CNOT4: variants seen among roughly 807,000 people sequenced by gnomAD.
The protein encoded by CNOT4 is CCR4-NOT transcription complex subunit 4.
CNOT4 carries 8 observed loss-of-function variants against 73.8 expected under a neutral mutation model. The ratio of observed to expected loss-of-function variants is 0.11; its 90% CI spans 0.06 to 0.20. The LOEUF (loss-of-function observed/expected upper bound fraction) is 0.20, where lower values mean the gene tolerates loss of function less well. Among genes scored for constraint, CNOT4 ranks in the 10% least tolerant of loss-of-function variants. The probability of loss-of-function intolerance (pLI) is 1.00; values close to 1 mark genes in which losing one functional copy is unlikely to be tolerated. For missense variants in CNOT4, 564 were observed against 883.4 expected (o/e 0.64, Z 4.58); for synonymous variants, 293 against 321.1 (o/e 0.91, Z 0.94).
intron 2 of CNOT4, among the ~76,000 whole-genome samples, chr7:135,430,598 T>C (rs974980689): frequency 6.6e-6 from 1 of 152,042 alleles, no homozygotes; most frequent in Admixed American, 6.6e-5. Flanking sequence ...TGAGCTACAA[T>C]GAGGCCACTG....
chr7:135,483,699 C>T (rs1204624205), intron 1 of CNOT4, among the ~76,000 whole-genome samples: 3 of 152,172 alleles, frequency 2.0e-5, no homozygotes, highest in African/African-American at 7.2e-5. Flanking sequence ...TGTCACATGC[C>T]TGTAGTCCCA....
intron 1 of CNOT4, among the ~76,000 whole-genome samples, chr7:135,442,285 G>T (rs1469942220): frequency 1.3e-5 from 2 of 152,154 alleles, no homozygotes; most frequent in Admixed American, 1.3e-4. Context: ...TAATAAGCCA[G>T]ACAACTAATA....
intron 10 of CNOT4, among the ~76,000 whole-genome samples, chr7:135,365,264 T>A (rs1193271707): frequency 6.6e-6 from 1 of 152,126 alleles, no homozygotes; most frequent in Non-Finnish European, 1.5e-5. Context: ...TGAACGAAGG[T>A]CATCTCTGAA....
chr7:135,437,893 C>T (rs1301519583), intron 2 of CNOT4, among the ~76,000 whole-genome samples: 4 of 152,128 alleles, frequency 2.6e-5, no homozygotes, highest in African/African-American at 7.2e-5. Flanking sequence ...TCTTTCTCCT[C>T]GGATAAAACA....
chr7:135,478,557 C>A (rs1802145380), intron 1 of CNOT4, among the ~76,000 whole-genome samples: 1 of 152,016 alleles, frequency 6.6e-6, no homozygotes, highest in Non-Finnish European at 1.5e-5. Flanking sequence ...CAAATATTAG[C>A]CAGGCATGGT....
At chr7:135,379,801 A>T (rs1795736564) in intron 10 of CNOT4, among the ~76,000 whole-genome samples, 1 of 152,218 alleles carries the variant, frequency 6.6e-6, no homozygotes, top group Non-Finnish European at 1.5e-5. Flanking sequence ...GGAAAAAAAT[A>T]AAAATATACA....
intron 1 of CNOT4, among the ~76,000 whole-genome samples, chr7:135,495,667 G>C (rs1415036408): frequency 2.7e-5 from 2 of 74,776 alleles, no homozygotes; most frequent in Non-Finnish European, 4.7e-5. Flanking sequence ...GAGACCCTGT[G>C]TCAAAAAAAA....
At chr7:135,455,645 C>A (rs527282155) in intron 1 of CNOT4, among the ~76,000 whole-genome samples, 1 of 151,808 alleles carries the variant, frequency 6.6e-6, no homozygotes, top group Non-Finnish European at 1.5e-5. Context: ...GAGGCTGAGG[C>A]GGGCAGATTA....
chr7:135,362,961 C>T lies in CNOT4; in HGVS notation c.2066G>A (p.Gly689Asp). ...NPSSFHSPPPGFQTAFRPPSK... is the reference protein window; with the variant it reads ...NPSSFHSPPPDFQTAFRPPSK... ...GGGGGGTCTGAAGGCTGTCTGAAAGCCTGGGGGTGGGGAGTGGAAGCTGGA... is the reference window on the plus strand; with the variant it reads ...GGGGGGTCTGAAGGCTGTCTGAAAGTCTGGGGGTGGGGAGTGGAAGCTGGA... Residue 689 changes from glycine to aspartate, a missense_variant, in exon 12 of 12, where the codon GGC becomes GAC. Gly to Asp is a moderately conservative substitution (Grantham distance 94). Transcript: ENST00000541284. 1 of 1,611,166 alleles carries T rather than the reference C, an allele frequency of 6.2e-7. No homozygotes were observed. The highest frequency in any genetic ancestry group is 8.5e-7 in the Non-Finnish European group (1 of 1,179,372).
intron 10 of CNOT4, among the ~76,000 whole-genome samples, chr7:135,378,545 G>A (rs140502038): frequency 1.3e-5 from 2 of 151,496 alleles, no homozygotes; most frequent in East Asian, 3.9e-4. Flanking sequence ...GAATATACTC[G>A]TTTAGGATCA....
At chr7:135,434,608 A>G (rs999506825) in intron 2 of CNOT4, among the ~76,000 whole-genome samples, 5 of 152,142 alleles carry the variant, frequency 3.3e-5, no homozygotes, top group African/African-American at 1.2e-4. Flanking sequence ...CATCTTTTCA[A>G]TTCATGATCT....
intron 10 of CNOT4, among the ~76,000 whole-genome samples, chr7:135,391,972 T>G (rs1796425226): frequency 6.6e-6 from 1 of 152,058 alleles, no homozygotes; most frequent in South Asian, 2.1e-4. Flanking sequence ...ATCCATTATA[T>G]CTATACAATT....
chr7:135,362,564 T>G lies in CNOT4; in HGVS notation c.*321A>C. On this transcript the variant is annotated 3_prime_UTR_variant, in exon 12 of 12. Coordinates refer to ENST00000541284, the MANE Select transcript of CNOT4 (RefSeq NM_001190850.2). Reference sequence around the variant, plus strand: ...ATTTTCTGCTAAGCAGATTATGTCATTATTATGCGCAACAGACAAACAATA... The same window carrying G: ...ATTTTCTGCTAAGCAGATTATGTCAGTATTATGCGCAACAGACAAACAATA... The G allele has an allele frequency of 2.2e-6, 1 of 448,716 alleles. No homozygotes were observed. Among genetic ancestry groups the G allele is most frequent in the Non-Finnish European group, 4.1e-6 (1 of 242,742 alleles). 27.8% of individuals were successfully genotyped at this position (448,716 alleles called of 1,614,324 possible).
chr7:135,442,067 A>C (rs1799512568), intron 1 of CNOT4, among the ~76,000 whole-genome samples: 1 of 152,228 alleles, frequency 6.6e-6, no homozygotes, highest in Non-Finnish European at 1.5e-5. Flanking sequence ...TTCACAAAGT[A>C]ACTATATGAT....
At chr7:135,429,533 A>G (rs1036380848) in intron 2 of CNOT4, among the ~76,000 whole-genome samples, 1 of 152,156 alleles carries the variant, frequency 6.6e-6, no homozygotes, top group Non-Finnish European at 1.5e-5. Context: ...ACATTATGCA[A>G]CTTGAAGATT....
chr7:135,387,093 C>G, intron 10 of CNOT4: 1 of 984,464 alleles, frequency 1.0e-6, no homozygotes, highest in Non-Finnish European at 1.2e-6. Context: ...TGGCCTCTTA[C>G]AGTAAAAATG....
chr7:135,389,157 CAA>C (rs11292254), intron 10 of CNOT4, among the ~76,000 whole-genome samples: 3,117 of 83,750 alleles, frequency 0.037, 79 homozygotes, highest in African/African-American at 0.13. Flanking sequence ...AACATACTAC[CAA>C]AAAAAAAAAA....
At chr7:135,417,347 C>T (rs1470012788) in intron 3 of CNOT4, among the ~76,000 whole-genome samples, 2 of 152,176 alleles carry the variant, frequency 1.3e-5, no homozygotes, top group African/African-American at 4.8e-5. Flanking sequence ...AATGTACAAG[C>T]ATTTATATGT....
chr7:135,464,573 A>G (rs554731321), intron 1 of CNOT4, among the ~76,000 whole-genome samples: 2 of 152,090 alleles, frequency 1.3e-5, no homozygotes, highest in East Asian at 3.8e-4. Flanking sequence ...GAGGAGCAGA[A>G]AAGATAACTG....
Sources: gnomAD v4.1 joint callset for allele counts (sites outside exome capture counted in the v4.1 genomes callset) on GRCh38, gnomAD v4.1.1 for gene constraint, MANE v1.5 for transcripts, NCBI Gene and HGNC (gene_info 2026-07-23, HGNC 2026-07-21) for gene names.